NPAS3: variants seen among roughly 807,000 people sequenced by gnomAD.
The protein encoded by NPAS3 is neuronal PAS domain protein 3.
A neutral mutation model predicts 73.1 loss-of-function variants in NPAS3; 14 were observed. The observed-to-expected ratio is 0.19, with a 90% CI of 0.13 to 0.30. NPAS3 has a LOEUF of 0.30. Among genes scored for constraint, NPAS3 ranks in the 10% least tolerant of loss-of-function variants. The pLI, the probability that NPAS3 is intolerant of heterozygous loss-of-function variation, is 1.00. For synonymous variants in NPAS3, 620 were observed against 541.5 expected (o/e 1.14, Z -2.01); for missense variants, 1,096 against 1,250.0 (o/e 0.88, Z 1.86).
At chr14:33,320,398 C>T (rs1293587513) in intron 3 of NPAS3, among the ~76,000 whole-genome samples, 1 of 152,092 alleles carries the variant, frequency 6.6e-6, no homozygotes, top group Non-Finnish European at 1.5e-5. Context: ...TGTAACAAAT[C>T]TGCACGTTGT....
rs534403450 is a variant in NPAS3, at chr14:33,036,413, T to C, written c.51-19492T>C. On this transcript the variant is annotated intron_variant, in intron 1 of 11. Coordinates refer to ENST00000356141, the Ensembl canonical transcript of NPAS3. The stretch of plus-strand genomic sequence containing the variant: ...AATGATAGCACTGTTTGGAGCCCTG[T>C]AGGGTTGCTACTGTAAAGGCCTTGG... Among the ~76,000 whole-genome samples the C allele has an allele frequency of 1.5e-4, 23 of 152,244 alleles. No homozygotes were observed. In the South Asian group the frequency reaches 4.6e-3, roughly 30 times the overall value.
intron 2 of NPAS3, among the ~76,000 whole-genome samples, chr14:33,157,246 C>T (rs1486500536): frequency 2.0e-5 from 3 of 152,180 alleles, no homozygotes; most frequent in African/African-American, 7.2e-5. Flanking sequence ...TTCAAATTAT[C>T]TTTGACATAT....
At chr14:33,003,464 C>T (rs548704047) in intron 1 of NPAS3, among the ~76,000 whole-genome samples, 22 of 152,182 alleles carry the variant, frequency 1.4e-4, no homozygotes, top group African/African-American at 2.6e-4. Flanking sequence ...TACTGAGGTG[C>T]GACATGGTGG....
At chr14:33,705,175 A>T (rs1394887927) in intron 6 of NPAS3, among the ~76,000 whole-genome samples, 1 of 152,260 alleles carries the variant, frequency 6.6e-6, no homozygotes, top group Non-Finnish European at 1.5e-5. Flanking sequence ...ACAACAATAC[A>T]GATAAACATG....
intron 4 of NPAS3, among the ~76,000 whole-genome samples, chr14:33,438,863 T>G (rs147509540): frequency 3.7e-4 from 57 of 152,340 alleles, no homozygotes; most frequent in African/African-American, 1.3e-3. Flanking sequence ...AAATAAATGC[T>G]TCTATTTTTG....
intron 5 of NPAS3, among the ~76,000 whole-genome samples, chr14:33,673,981 C>G (rs1157227072): frequency 6.6e-6 from 1 of 152,168 alleles, no homozygotes; most frequent in Non-Finnish European, 1.5e-5. Context: ...ACCTCGCCCT[C>G]ATCATTAAGC....
Position 33,501,632 on chromosome 14 carries a change from T to G in NPAS3, c.469-58489T>G, listed in dbSNP as rs1284783819. ...TCTCCCTTCTAGAATCTGGATTTGT[T>G]TTTTTTTTTTTTACCTTCAAAAACG... On this transcript the variant is annotated intron_variant, in intron 4 of 11. Transcript: ENST00000356141. 4.8e-5 allele frequency among the ~76,000 whole-genome samples: 7 copies of G among 147,092 alleles called. No homozygotes were observed. The East Asian group carries it at 1.4e-3, about 29-fold the overall frequency.
intron 2 of NPAS3, among the ~76,000 whole-genome samples, chr14:33,067,867 AT>A (rs2041333921): frequency 6.6e-6 from 1 of 152,202 alleles, no homozygotes; most frequent in African/African-American, 2.4e-5. Flanking sequence ...CTTCATTTAT[AT>A]AGTAATTCAG....
At chr14:33,057,406 T>C (rs2040930094) in intron 2 of NPAS3, among the ~76,000 whole-genome samples, 1 of 152,248 alleles carries the variant, frequency 6.6e-6, no homozygotes, top group Admixed American at 6.5e-5. Context: ...TGTTGTATAC[T>C]TTGAAAAATC....
At chr14:33,778,406 T>C in intron 8 of NPAS3, 60 bp from the exon 9 acceptor site, 2 of 1,205,588 alleles carry the variant, frequency 1.7e-6, no homozygotes, top group Non-Finnish European at 2.5e-6. Context: ...TCTAAGTTAT[T>C]TGACAGTTTC....
chr14:33,263,821 T>G (rs2049066353), intron 3 of NPAS3, among the ~76,000 whole-genome samples: 1 of 152,194 alleles, frequency 6.6e-6, no homozygotes, highest in South Asian at 2.1e-4. Context: ...TAGTTCTCCT[T>G]GAAGAGGTCC....
intron 1 of NPAS3, among the ~76,000 whole-genome samples, chr14:33,040,149 A>AG (rs1348174958): frequency 2.0e-5 from 3 of 152,148 alleles, no homozygotes; most frequent in African/African-American, 7.2e-5. Context: ...AGTAACCTGC[A>AG]GGGGTATTCC....
intron 7 of NPAS3, among the ~76,000 whole-genome samples, chr14:33,772,746 G>A (rs867843384): frequency 1.4e-4 from 21 of 152,236 alleles, no homozygotes; most frequent in Middle Eastern, 3.4e-3. Context: ...TTGCACAAAC[G>A]TGTGTCTGTG....
intron 1 of NPAS3, among the ~76,000 whole-genome samples, chr14:33,005,480 CAATT>C (rs2139603050): frequency 6.6e-6 from 1 of 152,226 alleles, no homozygotes; most frequent in Admixed American, 6.5e-5. Context: ...CAGCTGATAA[CAATT>C]AATCTGAGAG....
rs1365775361 is a variant in NPAS3, at chr14:33,612,563, T to G, written c.558+52353T>G. The stretch of plus-strand genomic sequence containing the variant: ...TTTAAAAGATATTATTGCTGAAAAA[T>G]AAACTCTGTATACTTGCTTTTAAAG... On this transcript the variant is annotated intron_variant, in intron 5 of 11. Coordinates refer to ENST00000356141, the Ensembl canonical transcript of NPAS3. 6.6e-6 allele frequency: 3 copies of G among 454,500 alleles called. No individual in the cohort carries two copies. In the East Asian group the frequency reaches 2.1e-4, roughly 32 times the overall value. 28.2% of individuals were successfully genotyped at this position (454,500 alleles called of 1,614,324 possible). A position where few individuals can be genotyped will look rare whatever the true frequency, so the allele number is the denominator to read the frequency against.
intron 3 of NPAS3, among the ~76,000 whole-genome samples, chr14:33,312,591 T>C (rs991408780): frequency 6.6e-6 from 1 of 152,132 alleles, no homozygotes; most frequent in East Asian, 1.9e-4. Flanking sequence ...ATTTGTAGTT[T>C]TAAATTACCG....
intron 3 of NPAS3, among the ~76,000 whole-genome samples, chr14:33,308,527 T>TATATACACACACACACACACAC: frequency 3.7e-4 from 38 of 103,730 alleles, no homozygotes; most frequent in Admixed American, 1.9e-3. Flanking sequence ...TATATATATA[T>TATATACACACACACACACACAC]ACATACACAC....
In NPAS3 at chr14:33,272,488, C is replaced by T. The variant is rs187006192; in HGVS notation, c.385+57062C>T. Among the ~76,000 whole-genome samples, 1,104 of 152,268 alleles carry T rather than the reference C, an allele frequency of 7.3e-3. 8 individuals are homozygous for T. Among genetic ancestry groups the T allele is most frequent in the Middle Eastern group, 0.024 (7 of 294 alleles). On this transcript the variant is annotated intron_variant, in intron 3 of 11. Coordinates refer to ENST00000356141, the Ensembl canonical transcript of NPAS3. ...CTGGAGTGTAGTAGCATGATCTCGG[C>T]TCACTGCAACCTCTGCCTCCCAGAT... is the stretch of plus-strand genomic sequence containing the variant.
rs149262170 is a variant in NPAS3, at chr14:33,209,113, C to T, written c.141-6069C>T. Among the ~76,000 whole-genome samples the T allele has an allele frequency of 3.9e-5, 6 of 152,258 alleles. No homozygotes were observed. In the East Asian group the frequency reaches 7.7e-4, roughly 20 times the overall value. ...CGTATACTATCCAGCTTTCTTTACACCTTAAAGAAGATTTCTGAAATTATT... is the reference window on the plus strand; with the variant it reads ...CGTATACTATCCAGCTTTCTTTACATCTTAAAGAAGATTTCTGAAATTATT... On this transcript the variant is annotated intron_variant, in intron 2 of 11. Coordinates refer to ENST00000356141, the Ensembl canonical transcript of NPAS3.
Sources: allele counts gnomAD v4.1 joint callset (sites outside exome capture counted in the v4.1 genomes callset), GRCh38; gene constraint gnomAD v4.1.1; transcripts MANE v1.5; gene names NCBI Gene and HGNC (gene_info 2026-07-23, HGNC 2026-07-21).